Variants in LRTM3 observed in about 807,000 individuals in gnomAD.
The protein encoded by LRTM3 is leucine-rich repeat transmembrane protein 3.
At chr13:102,730,204 C>T in the LRTM3 span, 24 of 1,550,978 alleles carry the variant, frequency 1.5e-5, no homozygotes, top group Admixed American at 3.9e-5. Context: ...AAAATGATTT[C>T]AAATCAGTCG....
chr13:102,737,181 C>T, the LRTM3 span: 4 of 1,550,862 alleles, frequency 2.6e-6, no homozygotes, highest in Non-Finnish European at 3.5e-6. Flanking sequence ...ACTGTTTTTC[C>T]TCTATCTACT....
chr13:102,733,480 C>T, the LRTM3 span: 1 of 1,551,282 alleles, frequency 6.4e-7, no homozygotes. Context: ...CATACAGTTC[C>T]TTAGATATTT....
At chr13:102,730,088 G>T in the LRTM3 span, 1 of 1,550,836 alleles carries the variant, frequency 6.4e-7, no homozygotes. Context: ...CATTTTGGAA[G>T]ATGATCTATA....
chr13:102,748,685 T>C, the LRTM3 span: 3 of 1,550,032 alleles, frequency 1.9e-6, no homozygotes, highest in East Asian at 2.4e-5. Context: ...ATTTAGAACA[T>C]GAAATTCTGT....
the LRTM3 span, among the ~76,000 whole-genome samples, chr13:102,752,470 G>A: frequency 2.2e-4 from 34 of 152,198 alleles, no homozygotes; most frequent in Non-Finnish European, 3.2e-4. Flanking sequence ...TTTTATGAGC[G>A]CCATCATTCT....
the LRTM3 span, chr13:102,738,804 CTTT>C: frequency 2.6e-6 from 4 of 1,550,154 alleles, no homozygotes; most frequent in South Asian, 2.4e-5. Flanking sequence ...ATCTCAACTT[CTTT>C]ATCTTCCTGA....
chr13:102,749,054 T>C, the LRTM3 span: 1 of 1,550,586 alleles, frequency 6.4e-7, no homozygotes, highest in East Asian at 2.4e-5. Flanking sequence ...CAGAATAAGC[T>C]TGGAAACAGA....
chr13:102,729,894 G>A, the LRTM3 span: 1 of 1,552,008 alleles, frequency 6.4e-7, no homozygotes, highest in African/African-American at 1.4e-5. Context: ...GGGTGCCTGT[G>A]AGACTTGCCT....
the LRTM3 span, among the ~76,000 whole-genome samples, chr13:102,756,184 C>T: frequency 6.6e-6 from 1 of 150,824 alleles, no homozygotes; most frequent in African/African-American, 2.4e-5. Flanking sequence ...AACTCCTGAC[C>T]TCAGTGATCC....
At chr13:102,746,448 G>C in the LRTM3 span, 5 of 1,550,934 alleles carry the variant, frequency 3.2e-6, no homozygotes, top group Non-Finnish European at 4.4e-6. Flanking sequence ...CTATGCATTG[G>C]AGAGCAAAGG....
the LRTM3 span, chr13:102,735,612 A>T: frequency 2.6e-6 from 4 of 1,550,924 alleles, no homozygotes; most frequent in Non-Finnish European, 3.5e-6. Context: ...AGGTCTGTAC[A>T]TTTGGGGAGC....
At chr13:102,731,817 C>G in the LRTM3 span, 14 of 1,549,468 alleles carry the variant, frequency 9.0e-6, no homozygotes, top group Non-Finnish European at 1.2e-5. Flanking sequence ...TCACTCTGAT[C>G]CCTTTGCTTG....
the LRTM3 span, chr13:102,743,137 A>C: frequency 6.4e-7 from 1 of 1,550,534 alleles, no homozygotes; most frequent in South Asian, 1.2e-5. Flanking sequence ...CCATTTCTGT[A>C]AGATGTTCTT....
chr13:102,749,979 A>C, the LRTM3 span: 4 of 1,550,792 alleles, frequency 2.6e-6, no homozygotes, highest in Non-Finnish European at 3.5e-6. Flanking sequence ...CTAGAAAGAA[A>C]TAAGTGGGCA....
At chr13:102,729,544 C>G in the LRTM3 span, 21 of 1,509,652 alleles carry the variant, frequency 1.4e-5, no homozygotes, top group Non-Finnish European at 1.8e-5. Flanking sequence ...AAATCTTTGC[C>G]ACTAGGGGAA....
chr13:102,734,610 G>T, the LRTM3 span: 2 of 1,550,796 alleles, frequency 1.3e-6, no homozygotes, highest in South Asian at 1.2e-5. Flanking sequence ...TGAGGGATAT[G>T]TTGCTTTTCA....
chr13:102,731,947 A>G, the LRTM3 span: 4 of 1,550,870 alleles, frequency 2.6e-6, no homozygotes, highest in Admixed American at 7.9e-5. Flanking sequence ...TTGAGACATC[A>G]TGCTCTGGAA....
At chr13:102,746,980 T>A in the LRTM3 span, 1 of 1,551,246 alleles carries the variant, frequency 6.4e-7, no homozygotes, top group South Asian at 1.2e-5. Context: ...TGAATGGGAT[T>A]GGTTGATGCA....
chr13:102,733,555 G>A, the LRTM3 span: 1 of 1,551,212 alleles, frequency 6.4e-7, no homozygotes, highest in Non-Finnish European at 8.7e-7. Context: ...TTATTTCAGT[G>A]TCTTCTTCCA....
Sources: gnomAD v4.1 joint callset for allele counts (sites outside exome capture counted in the v4.1 genomes callset) on GRCh38, gnomAD v4.1.1 for gene constraint, MANE v1.5 for transcripts, NCBI Gene and HGNC (gene_info 2026-07-23, HGNC 2026-07-21) for gene names.